FABP3: variants seen among roughly 807,000 people sequenced by gnomAD.
The protein encoded by FABP3 is fatty acid-binding protein, heart.
A neutral mutation model predicts 13.4 loss-of-function variants in FABP3; 8 were observed. That is an observed-to-expected ratio of 0.60 (90% CI 0.35 to 1.07). The LOEUF is 1.07. Among genes scored for constraint, FABP3 ranks in the 50% least tolerant of loss-of-function variants. The probability of loss-of-function intolerance (pLI) is 0.02; values close to 1 mark genes in which losing one functional copy is unlikely to be tolerated. For missense variants in FABP3, 135 were observed against 164.7 expected, an observed-to-expected ratio of 0.82 and a Z score of 0.99; for synonymous variants, 64 against 60.0, an observed-to-expected ratio of 1.07 and a Z score of -0.31.
chr1:31,369,161 G>A (rs750628306), intron 2 of FABP3: 9 of 543,226 alleles, frequency 1.7e-5, no homozygotes, highest in Non-Finnish European at 2.6e-5. Flanking sequence ...GCAGACAATA[G>A]ATGAATCCCA....
intron 1 of FABP3, 69 bp downstream of exon 1, chr1:31,372,873 G>A: frequency 1.4e-6 from 2 of 1,428,454 alleles, no homozygotes; most frequent in Non-Finnish European, 2.0e-6. Flanking sequence ...CGGCAGGAGT[G>A]CTGCGTGGGG....
intron 2 of FABP3, among the ~76,000 whole-genome samples, chr1:31,368,296 G>C (rs1640146615): frequency 6.6e-6 from 1 of 152,300 alleles, no homozygotes; most frequent in Non-Finnish European, 1.5e-5. Flanking sequence ...GTCTCTTAGT[G>C]TGCTCTTTTT....
rs141085536 is a variant in FABP3 at position 31,365,778 on chromosome 1, A to G, written c.*108T>C. The G allele has an allele frequency of 9.9e-4, 1,017 of 1,031,782 alleles. 12 individuals are homozygous for G. The East Asian group carries it at 0.022, about 23-fold the overall frequency. The allele number at this position is 1,031,782 out of a possible 1,614,324, so 63.9% of individuals were successfully genotyped here. A position where few individuals can be genotyped will look rare whatever the true frequency, so the allele number is the denominator to read the frequency against. On this transcript the variant is annotated 3_prime_UTR_variant, in exon 4 of 4. Transcript: ENST00000373713. ...CCCGGTCAGTGGCACCTGACCCCAG[A>G]AGAATTCGTGGATTTGTACAAAATG...
At chr1:31,367,898 G>A (rs1017578536) in intron 2 of FABP3, among the ~76,000 whole-genome samples, 3 of 152,224 alleles carry the variant, frequency 2.0e-5, no homozygotes, top group African/African-American at 7.2e-5. Context: ...TGAGGAGGAG[G>A]AGTAGTCCTG....
downstream of FABP3, among the ~76,000 whole-genome samples, chr1:31,361,245 A>G (rs1382939752): frequency 6.6e-6 from 1 of 152,186 alleles, no homozygotes; most frequent in East Asian, 1.9e-4. Context: ...TGGAGATGCC[A>G]AGGAAGAATT....
chr1:31,366,668 G>A (rs1334456174), intron 3 of FABP3, among the ~76,000 whole-genome samples: 1 of 152,188 alleles, frequency 6.6e-6, no homozygotes, highest in African/African-American at 2.4e-5. Flanking sequence ...CCCTGGGTCT[G>A]GGGGGAATTC....
chr1:31,371,134 G>A (rs556509617), intron 1 of FABP3, among the ~76,000 whole-genome samples: 1 of 152,306 alleles, frequency 6.6e-6, no homozygotes, highest in East Asian at 1.9e-4. Context: ...GGTACTAGAC[G>A]GGACCTCTTT....
downstream of FABP3, chr1:31,364,308 C>A: frequency 7.0e-7 from 1 of 1,437,726 alleles, no homozygotes; most frequent in East Asian, 2.5e-5. Context: ...TAACTTCGCT[C>A]CCATGGGAGA....
Position 31,365,829 on chromosome 1 carries a change from T to C in FABP3, c.*57A>G. On this transcript the variant is annotated 3_prime_UTR_variant, in exon 4 of 4. Coordinates refer to ENST00000373713, the MANE Select transcript of FABP3 (RefSeq NM_004102.5). ...CAGAGGAAGAAATGAGGCAATGTGGTGCTGAGTCGAGGGGTAGCCGATTGG... is the reference window on the plus strand; with the variant it reads ...CAGAGGAAGAAATGAGGCAATGTGGCGCTGAGTCGAGGGGTAGCCGATTGG... 1 of 1,479,928 alleles carries C rather than the reference T, an allele frequency of 6.8e-7. No homozygotes were observed. The highest frequency in any genetic ancestry group is 1.1e-5 in the South Asian group (1 of 87,896). 91.7% of individuals were successfully genotyped at this position (1,479,928 alleles called of 1,614,324 possible).
At position 31,371,442 on chromosome 1, in the gene FABP3, A is replaced by G. The variant is rs549360482; in HGVS notation, c.73+1500T>C. Among the ~76,000 whole-genome samples, 25 of 152,364 alleles carry G rather than the reference A, an allele frequency of 1.6e-4. No individual in the cohort carries two copies. The South Asian group carries it at 4.6e-3, about 28-fold the overall frequency. The stretch of plus-strand genomic sequence containing the variant: ...TGAGCTGACAGAATTTAGGAGACTC[A>G]GGGAGATCTGGGTTCTACTTAGAAA... On this transcript the variant is annotated intron_variant, in intron 1 of 3. Coordinates refer to ENST00000373713, the MANE Select transcript of FABP3 (RefSeq NM_004102.5).
chr1:31,360,718 T>C (rs1442807382), downstream of FABP3, among the ~76,000 whole-genome samples: 1 of 152,196 alleles, frequency 6.6e-6, no homozygotes, highest in African/African-American at 2.4e-5. Context: ...GCCTTCATCT[T>C]TGAGAGAGAA....
intron 2 of FABP3, chr1:31,368,977 T>C (rs1038182068): frequency 8.7e-5 from 14 of 160,374 alleles, no homozygotes; most frequent in Admixed American, 6.3e-4. Context: ...CCCTGACTTC[T>C]GGGCATCATT....
At chr1:31,369,314 C>G (rs1223344457) in intron 2 of FABP3, 71 bp downstream of exon 2, 5 of 1,525,626 alleles carry the variant, frequency 3.3e-6, no homozygotes, top group Non-Finnish European at 4.5e-6. Context: ...ACCAGGGAGC[C>G]AAGACTACCA....
downstream of FABP3, among the ~76,000 whole-genome samples, chr1:31,360,401 T>C (rs1364217168): frequency 1.3e-5 from 2 of 152,244 alleles, no homozygotes; most frequent in Non-Finnish European, 2.9e-5. Flanking sequence ...CCTCCTGACC[T>C]CAGGTGATCC....
Position 31,373,050 on chromosome 1 carries a change from G to A in FABP3, c.-36C>T. 1.2e-6 allele frequency: 2 copies of A among 1,607,102 alleles called. No homozygotes were observed. Among genetic ancestry groups the A allele is most frequent in the South Asian group, 1.1e-5 (1 of 90,950 alleles). ...GGCTAGGCTGAGAGAAGCTACAAGA[G>A]AGCAGGCGTGCAAGGGCTCCGACGG... is the stretch of plus-strand genomic sequence containing the variant. On this transcript the variant is annotated 5_prime_UTR_variant, in exon 1 of 4. Transcript: ENST00000373713.
At chr1:31,372,839 C>A in intron 1 of FABP3, 103 bp downstream of exon 1, 1 of 1,163,288 alleles carries the variant, frequency 8.6e-7, no homozygotes, top group Non-Finnish European at 1.3e-6. Context: ...CTCCCCTATT[C>A]CCCAGTCTTA....
rs1448240613 is a variant in FABP3 at position 31,372,670 on chromosome 1, C to T, written c.73+272G>A. Among the ~76,000 whole-genome samples, 6 of 152,148 alleles carry T rather than the reference C, an allele frequency of 3.9e-5. 1 individual carries two copies. Among genetic ancestry groups the T allele is most frequent in the Admixed American group, 1.3e-4 (2 of 15,274 alleles). Reference sequence around the variant, plus strand: ...ATCAGTGTTCTTTATCCAAACCCTCCTCCTACCTCCAAATCACATATCCCT... The same window carrying T: ...ATCAGTGTTCTTTATCCAAACCCTCTTCCTACCTCCAAATCACATATCCCT... On this transcript the variant is annotated intron_variant, in intron 1 of 3. Coordinates refer to ENST00000373713, the MANE Select transcript of FABP3 (RefSeq NM_004102.5).
chr1:31,371,205 G>C (rs1640202665), intron 1 of FABP3, among the ~76,000 whole-genome samples: 1 of 152,194 alleles, frequency 6.6e-6, no homozygotes, highest in African/African-American at 2.4e-5. Context: ...CTGTTATGCT[G>C]TCAGCCCACC....
intron 2 of FABP3, chr1:31,369,043 G>A (rs552286804): frequency 4.5e-6 from 1 of 221,610 alleles, no homozygotes; most frequent in African/African-American, 2.2e-5. Context: ...CTATGGAAGG[G>A]GAAAGAAACC....
Sources: allele counts gnomAD v4.1 joint callset (sites outside exome capture counted in the v4.1 genomes callset), GRCh38; gene constraint gnomAD v4.1.1; transcripts MANE v1.5; gene names NCBI Gene and HGNC (gene_info 2026-07-23, HGNC 2026-07-21).